Variants in CDC42SE2 observed in about 807,000 individuals in gnomAD.
The protein encoded by CDC42SE2 is CDC42 small effector protein 2.
Under a neutral mutation model 11.5 loss-of-function variants are expected in CDC42SE2, and 3 were observed. The observed-to-expected ratio is 0.26, with a 90% CI of 0.12 to 0.67. CDC42SE2 has a LOEUF of 0.67. Among genes scored for constraint, CDC42SE2 ranks in the 30% least tolerant of loss-of-function variants. CDC42SE2 has a pLI of 0.80. For synonymous variants in CDC42SE2, 33 were observed against 34.8 expected (o/e 0.95, Z 0.18); for missense variants, 82 against 106.8 (o/e 0.77, Z 1.02).
chr5:131,278,147 G>A (rs1301214619), intron 1 of CDC42SE2, among the ~76,000 whole-genome samples: 1 of 152,092 alleles, frequency 6.6e-6, no homozygotes, highest in Non-Finnish European at 1.5e-5. Context: ...CACCACGCTA[G>A]CCAATTTTTT....
At chr5:131,233,765 C>A in the CDC42SE2 span, among the ~76,000 whole-genome samples, 1 of 152,182 alleles carries the variant, frequency 6.6e-6, no homozygotes, top group Non-Finnish European at 1.5e-5. Flanking sequence ...CATCAAAGGG[C>A]ATGTATGTTT....
intron 1 of CDC42SE2, among the ~76,000 whole-genome samples, chr5:131,281,630 A>C (rs1278161749): frequency 6.6e-6 from 1 of 152,230 alleles, no homozygotes; most frequent in Non-Finnish European, 1.5e-5. Flanking sequence ...TTGTTTTTGT[A>C]AACTCTACTC....
chr5:131,346,924 A>C (rs1284192255), intron 2 of CDC42SE2, among the ~76,000 whole-genome samples: 2 of 152,250 alleles, frequency 1.3e-5, no homozygotes, highest in Non-Finnish European at 2.9e-5. Context: ...AATGAAATGA[A>C]GGCAGAAATA....
At chr5:131,246,314 G>T (rs917029681) in intron 1 of CDC42SE2, among the ~76,000 whole-genome samples, 1 of 152,050 alleles carries the variant, frequency 6.6e-6, no homozygotes, top group Non-Finnish European at 1.5e-5. Flanking sequence ...AAATTAGCTG[G>T]GAGTGGTGGT....
chr5:131,336,645 T>G (rs1055357294), intron 2 of CDC42SE2, among the ~76,000 whole-genome samples: 2 of 152,228 alleles, frequency 1.3e-5, no homozygotes, highest in African/African-American at 4.8e-5. Flanking sequence ...CATAGTCCCA[T>G]ATTTCTTGGA....
At chr5:131,297,191 C>T (rs115692055) in intron 1 of CDC42SE2, among the ~76,000 whole-genome samples, 3,146 of 141,084 alleles carry the variant, frequency 0.022, 119 homozygotes, top group African/African-American at 0.078. Context: ...TGTTCTTTCT[C>T]GTGCAAAAAT....
intron 3 of CDC42SE2, among the ~76,000 whole-genome samples, chr5:131,362,549 C>A (rs1359802255): frequency 6.6e-6 from 1 of 152,054 alleles, no homozygotes; most frequent in Admixed American, 6.6e-5. Flanking sequence ...TGCTGCATGC[C>A]GACTCTCCCA....
chr5:131,376,476 A>T (rs1169339726), intron 3 of CDC42SE2, among the ~76,000 whole-genome samples: 2 of 152,148 alleles, frequency 1.3e-5, no homozygotes, highest in African/African-American at 4.8e-5. Flanking sequence ...TACTTTTTAA[A>T]TATTCAGCTG....
intron 2 of CDC42SE2, among the ~76,000 whole-genome samples, chr5:131,341,511 G>T (rs1179638797): frequency 6.6e-6 from 1 of 152,130 alleles, no homozygotes; most frequent in Non-Finnish European, 1.5e-5. Context: ...GGAAGCCAGG[G>T]GAGTATGTGT....
At chr5:131,348,587 A>T (rs574563975) in intron 2 of CDC42SE2, among the ~76,000 whole-genome samples, 2 of 152,224 alleles carry the variant, frequency 1.3e-5, no homozygotes, top group African/African-American at 4.8e-5. Context: ...TATAGATTCA[A>T]TGCCATCCCC....
intron 3 of CDC42SE2, among the ~76,000 whole-genome samples, chr5:131,373,317 G>A (rs1278421524): frequency 6.6e-6 from 1 of 152,226 alleles, no homozygotes; most frequent in African/African-American, 2.4e-5. Context: ...TGGGATGGTA[G>A]AGTGGGAACC....
At chr5:131,261,858 C>CAA (rs751406623), upstream of CDC42SE2, among the ~76,000 whole-genome samples, 9 of 60,422 alleles carry the variant, frequency 1.5e-4, no homozygotes, top group Admixed American at 5.8e-4. Context: ...GACCCTGTCT[C>CAA]AAAAAAAAAA....
chr5:131,314,140 A>G (rs771478332), intron 1 of CDC42SE2, among the ~76,000 whole-genome samples: 14 of 152,042 alleles, frequency 9.2e-5, no homozygotes, highest in Non-Finnish European at 1.2e-4. Flanking sequence ...TGAACATAAT[A>G]TTATTCTCTA....
At chr5:131,361,144 A>G (rs919683104) in intron 3 of CDC42SE2, among the ~76,000 whole-genome samples, 63 of 148,806 alleles carry the variant, frequency 4.2e-4, no homozygotes, top group African/African-American at 1.6e-3. Flanking sequence ...ATGGAGTCTC[A>G]TTCTGTTGCC....
At chr5:131,353,260 G>A (rs1749405556) in intron 2 of CDC42SE2, among the ~76,000 whole-genome samples, 1 of 151,618 alleles carries the variant, frequency 6.6e-6, no homozygotes, top group Non-Finnish European at 1.5e-5. Flanking sequence ...GAATCAACAA[G>A]CCTGGCCCAG....
chr5:131,239,312 A>G, the CDC42SE2 span, among the ~76,000 whole-genome samples: 35 of 151,998 alleles, frequency 2.3e-4, no homozygotes, highest in East Asian at 5.6e-3. Flanking sequence ...CAGCTTATGC[A>G]TGTAATTCCA....
chr5:131,251,406 T>C (rs904588324), intron 1 of CDC42SE2, among the ~76,000 whole-genome samples: 3 of 152,214 alleles, frequency 2.0e-5, no homozygotes, highest in Non-Finnish European at 2.9e-5. Flanking sequence ...TTCCCTGATA[T>C]CAGCTTGTCA....
At chr5:131,317,794 G>T (rs1233280169) in intron 2 of CDC42SE2, among the ~76,000 whole-genome samples, 2 of 151,994 alleles carry the variant, frequency 1.3e-5, no homozygotes, top group African/African-American at 2.4e-5. Context: ...CCTGTGTTAT[G>T]ATTTTACCAG....
intron 1 of CDC42SE2, among the ~76,000 whole-genome samples, chr5:131,289,474 C>T (rs551201691): frequency 6.6e-6 from 1 of 152,214 alleles, no homozygotes; most frequent in African/African-American, 2.4e-5. Flanking sequence ...AGATCGAGAC[C>T]ATCCTGGCGA....
Sources: gnomAD v4.1 joint callset for allele counts (sites outside exome capture counted in the v4.1 genomes callset) on GRCh38, gnomAD v4.1.1 for gene constraint, MANE v1.5 for transcripts, NCBI Gene and HGNC (gene_info 2026-07-23, HGNC 2026-07-21) for gene names.